Variants in NEAT1 observed in about 807,000 individuals in gnomAD.
NEAT1 encodes nuclear paraspeckle assembly transcript 1, also known as MENepsilon/beta.
exon 1 of NEAT1, chr11:65,437,870 C>T (rs906628549): frequency 3.3e-5 from 5 of 152,162 alleles, no homozygotes; most frequent in Admixed American, 1.3e-4. Context: ...GTGTCCAGTT[C>T]AGTGGTCTTT....
exon 1 of NEAT1, chr11:65,444,320 T>TAA: frequency 3.0e-6 from 1 of 330,916 alleles, no homozygotes; most frequent in South Asian, 1.9e-5. Flanking sequence ...TGTGTGTGTG[T>TAA]GTAAAAGAGA....
exon 1 of NEAT1, chr11:65,423,614 C>T (rs2134884299): frequency 6.6e-6 from 1 of 152,438 alleles, no homozygotes; most frequent in African/African-American, 2.4e-5. Flanking sequence ...TTGACCAACG[C>T]TTTATTTTCC....
At chr11:65,430,675 G>A (rs1431618581) in exon 1 of NEAT1, 1 of 152,182 alleles carries the variant, frequency 6.6e-6, no homozygotes, top group African/African-American at 2.4e-5. Context: ...TCGTGCAGCT[G>A]TGAGCATCTC....
chr11:65,426,937 G>A (rs1476867575), exon 1 of NEAT1: 1 of 152,188 alleles, frequency 6.6e-6, no homozygotes, highest in African/African-American at 2.4e-5. Context: ...ATATTCCATA[G>A]TCTTTGGGAG....
exon 1 of NEAT1, chr11:65,429,468 A>G (rs533683494): frequency 1.3e-5 from 2 of 148,828 alleles, no homozygotes; most frequent in African/African-American, 2.5e-5. Flanking sequence ...CCTTGTGTCA[A>G]TTGGCCATTT....
rs137972511 is a variant in NEAT1, at chr11:65,422,888, A to T, written n.91A>T. ...GGCTTCAGGGGACAGACAGGGAGAGATGACTGAGTTAGATGAGACGAGGGG... is the reference window on the plus strand; with the variant it reads ...GGCTTCAGGGGACAGACAGGGAGAGTTGACTGAGTTAGATGAGACGAGGGG... On this transcript the variant is annotated non_coding_transcript_exon_variant, in exon 1 of 1. Coordinates refer to ENST00000501122, the Ensembl canonical transcript of NEAT1. The T allele has an allele frequency of 1.2e-3, 189 of 151,738 alleles. 3 individuals are homozygous for T. The East Asian group carries it at 0.028, about 22-fold the overall frequency. The allele number at this position is 151,738 out of a possible 1,614,324, so 9.4% of individuals were successfully genotyped here.
At chr11:65,435,175 T>C (rs549904602) in exon 1 of NEAT1, 3 of 152,174 alleles carry the variant, frequency 2.0e-5, no homozygotes, top group Non-Finnish European at 2.9e-5. Flanking sequence ...TATTATATTA[T>C]GTGCTATTGT....
At chr11:65,427,208 T>C (rs1856570154) in exon 1 of NEAT1, 1 of 152,250 alleles carries the variant, frequency 6.6e-6, no homozygotes, top group Non-Finnish European at 1.5e-5. Context: ...TGTTACCTCT[T>C]GGGGTGTAAG....
At chr11:65,437,396 T>C (rs1470270383) in exon 1 of NEAT1, 1 of 151,918 alleles carries the variant, frequency 6.6e-6, no homozygotes, top group Non-Finnish European at 1.5e-5. Flanking sequence ...GACTTAATTT[T>C]AGCATAACAA....
exon 1 of NEAT1, chr11:65,435,675 G>A (rs1856651661): frequency 6.6e-6 from 1 of 152,096 alleles, no homozygotes; most frequent in South Asian, 2.1e-4. Context: ...TTTGTGAGAT[G>A]GGTTGAAAGC....
chr11:65,444,263 CTGTGTGTG>C (rs66756887), exon 1 of NEAT1: 27,275 of 252,390 alleles, frequency 0.11, 1,102 homozygotes, highest in African/African-American at 0.13. Flanking sequence ...AGTCCTCAGA[CTGTGTGTG>C]TGTGTGTGTG....
exon 1 of NEAT1, chr11:65,444,508 G>T: frequency 2.0e-6 from 1 of 490,686 alleles, no homozygotes; most frequent in East Asian, 6.3e-5. Flanking sequence ...AGCACTAGCA[G>T]GAGGGGCTCC....
chr11:65,425,905 T>G (rs1856556485), exon 1 of NEAT1: 1 of 152,180 alleles, frequency 6.6e-6, no homozygotes, highest in Non-Finnish European at 1.5e-5. Context: ...GTACCTTTGC[T>G]AAGGTTAGAA....
chr11:65,431,847 C>A (rs758726475), exon 1 of NEAT1: 1 of 152,124 alleles, frequency 6.6e-6, no homozygotes, highest in African/African-American at 2.4e-5. Flanking sequence ...TTGCAAATAT[C>A]TTCTCTTATT....
chr11:65,425,020 TG>T, exon 1 of NEAT1: 1 of 151,174 alleles, frequency 6.6e-6, no homozygotes, highest in Non-Finnish European at 1.5e-5. Flanking sequence ...GTGTGGGTGG[TG>T]GGGGTGGTAG....
At chr11:65,440,601 T>C (rs1432840001) in exon 1 of NEAT1, 2 of 151,308 alleles carry the variant, frequency 1.3e-5, no homozygotes, top group East Asian at 3.9e-4. Flanking sequence ...GCAAATAAGA[T>C]TGGGAGGCCA....
chr11:65,427,184 G>C (rs1031310751), exon 1 of NEAT1: 1 of 152,316 alleles, frequency 6.6e-6, no homozygotes, highest in Non-Finnish European at 1.5e-5. Flanking sequence ...TTCTGTCCTT[G>C]CACTGCTGTT....
chr11:65,442,562 A>G (rs187706352), exon 1 of NEAT1: 1 of 152,342 alleles, frequency 6.6e-6, no homozygotes, highest in East Asian at 1.9e-4. Context: ...CCCAGGGCAC[A>G]TGAAGGCCTT....
chr11:65,432,390 A>G (rs1188583106), exon 1 of NEAT1: 6 of 152,112 alleles, frequency 3.9e-5, no homozygotes, highest in Non-Finnish European at 8.8e-5. Flanking sequence ...TGTTGGTGCA[A>G]AAAGCACCTA....
Sources: allele counts gnomAD v4.1 joint callset, GRCh38; gene constraint gnomAD v4.1.1; transcripts MANE v1.5; gene names NCBI Gene and HGNC (gene_info 2026-07-23, HGNC 2026-07-21).